Variants in SPAG9 observed in about 807,000 individuals in gnomAD.
The protein encoded by SPAG9 is sperm associated antigen 9, also known as C-Jun-amino-terminal kinase-interacting protein 4.
SPAG9 carries 35 observed loss-of-function variants against 166.5 expected under a neutral mutation model. That is an observed-to-expected ratio of 0.21 (90% confidence interval 0.16 to 0.28). The LOEUF (loss-of-function observed/expected upper bound fraction) is 0.28. SPAG9 is among the 10% of genes least tolerant of loss of function. The probability of loss-of-function intolerance (pLI) is 1.00; values close to 1 mark genes in which losing one functional copy is unlikely to be tolerated. For missense variants in SPAG9, 1,235 were observed against 1,603.3 expected (o/e 0.77, Z 3.92); for synonymous variants, 534 against 565.5 (o/e 0.94, Z 0.79).
intron 6 of SPAG9, among the ~76,000 whole-genome samples, chr17:51,023,810 G>A (rs974915003): frequency 2.0e-5 from 3 of 151,990 alleles, no homozygotes; most frequent in South Asian, 2.1e-4. Flanking sequence ...GATTACCGGC[G>A]TGCGTCACCA....
At chr17:51,009,458 T>C (rs1389762455) in intron 9 of SPAG9, among the ~76,000 whole-genome samples, 1 of 152,182 alleles carries the variant, frequency 6.6e-6, no homozygotes, top group Admixed American at 6.5e-5. Flanking sequence ...TACAAAGTCC[T>C]CAGTGGGCTT....
At chr17:51,060,262 T>C (rs2047468602) in intron 2 of SPAG9, among the ~76,000 whole-genome samples, 2 of 151,972 alleles carry the variant, frequency 1.3e-5, no homozygotes, top group Non-Finnish European at 2.9e-5. Context: ...CCCAGCACTT[T>C]GGGAGGCCGA....
At chr17:51,119,479 G>A (rs2144816502) in intron 1 of SPAG9, among the ~76,000 whole-genome samples, 1 of 152,236 alleles carries the variant, frequency 6.6e-6, no homozygotes, top group East Asian at 1.9e-4. Context: ...CCTATCACTT[G>A]CACCCTAGAA....
chr17:51,006,886 T>C (rs906793082), intron 10 of SPAG9, among the ~76,000 whole-genome samples: 9 of 151,938 alleles, frequency 5.9e-5, no homozygotes, highest in African/African-American at 1.9e-4. Context: ...TGAGTATACA[T>C]GAAAATATTT....
At chr17:51,016,509 T>C (rs1337627403) in intron 8 of SPAG9, among the ~76,000 whole-genome samples, 1 of 152,230 alleles carries the variant, frequency 6.6e-6, no homozygotes, top group African/African-American at 2.4e-5. Context: ...CATTTATGAA[T>C]TGCATAGTGT....
chr17:51,007,238 T>C (rs1353286076), intron 10 of SPAG9, 31 bp downstream of exon 10: 2 of 1,289,624 alleles, frequency 1.6e-6, no homozygotes, highest in South Asian at 1.3e-5. Flanking sequence ...GAAAATTCTT[T>C]ATCTTCTGTT....
Position 50,979,762 on chromosome 17 carries a change from A to G in SPAG9, c.3393T>C (p.Tyr1131=), listed in dbSNP as rs1325525745. The part of the protein sequence containing the change: ...QHLQDVDIEP[Y]VSKMLGTGKL... ...GAAGCTTACCTAACATTTTGCTTAC[A>G]TAAGGCTCAATGTCCACATCCTGTA... Residue 1131 remains tyrosine (Y), a synonymous_variant, in exon 26 of 30, where the codon TAT becomes TAC. Transcript: ENST00000262013. The G allele has an allele frequency of 1.2e-6, 2 of 1,611,430 alleles. No homozygotes were observed. The highest frequency in any genetic ancestry group is 1.1e-5 in the South Asian group (1 of 91,030).
At chr17:51,054,987 T>C (rs775960948) in intron 3 of SPAG9, among the ~76,000 whole-genome samples, 35 of 152,176 alleles carry the variant, frequency 2.3e-4, no homozygotes, top group Non-Finnish European at 4.7e-4. Flanking sequence ...TCAAATGCAA[T>C]GTGTGGTGGG....
At chr17:51,089,623 TATATATATA>T (rs2048400619) in intron 1 of SPAG9, among the ~76,000 whole-genome samples, 1 of 32,632 alleles carries the variant, frequency 3.1e-5, no homozygotes, top group East Asian at 8.6e-4. Context: ...CTTTATTTTA[TATATATATA>T]TATATATATA....
chr17:50,972,986 T>G (rs930860682), intron 28 of SPAG9, among the ~76,000 whole-genome samples: 1 of 152,240 alleles, frequency 6.6e-6, no homozygotes, highest in African/African-American at 2.4e-5. Flanking sequence ...GCTTCAGTAT[T>G]GTTTTTAATA....
At chr17:51,054,188 C>T (rs2047292307) in intron 3 of SPAG9, among the ~76,000 whole-genome samples, 1 of 126,462 alleles carries the variant, frequency 7.9e-6, no homozygotes, top group African/African-American at 3.1e-5. Flanking sequence ...ACAATATTGG[C>T]TCACTGTATC....
intron 9 of SPAG9, among the ~76,000 whole-genome samples, chr17:51,009,906 T>C (rs574521718): frequency 6.6e-6 from 1 of 152,288 alleles, no homozygotes; most frequent in South Asian, 2.1e-4. Context: ...AAATTGAATA[T>C]ATAACCAATA....
intron 1 of SPAG9, among the ~76,000 whole-genome samples, chr17:51,105,360 G>T (rs1168531972): frequency 6.6e-6 from 1 of 152,120 alleles, no homozygotes; most frequent in African/African-American, 2.4e-5. Flanking sequence ...ACACTGCTGA[G>T]ACATCAAGTA....
chr17:51,103,322 T>C (rs1425152918), intron 1 of SPAG9, among the ~76,000 whole-genome samples: 1 of 152,166 alleles, frequency 6.6e-6, no homozygotes, highest in South Asian at 2.1e-4. Context: ...GCGCTGAAAG[T>C]GCTACAAGAG....
chr17:51,067,471 T>C (rs566813937), intron 2 of SPAG9, among the ~76,000 whole-genome samples: 18 of 152,328 alleles, frequency 1.2e-4, no homozygotes, highest in Admixed American at 3.9e-4. Flanking sequence ...AGTTAACCTA[T>C]ACCTATATTG....
intron 6 of SPAG9, among the ~76,000 whole-genome samples, chr17:51,026,671 TTTC>T (rs1296910557): frequency 3.0e-5 from 4 of 135,132 alleles, no homozygotes; most frequent in East Asian, 4.0e-4. Flanking sequence ...TTCTTTTTCT[TTTC>T]TTTTTTTTTT....
At chr17:51,010,773 G>A (rs1258254987) in intron 9 of SPAG9, among the ~76,000 whole-genome samples, 3 of 151,854 alleles carry the variant, frequency 2.0e-5, no homozygotes, top group African/African-American at 7.3e-5. Context: ...AACAAACTGA[G>A]CTTTATACAT....
chr17:51,036,441 G>C (rs150570981), intron 5 of SPAG9, among the ~76,000 whole-genome samples: 2 of 151,928 alleles, frequency 1.3e-5, no homozygotes, highest in Admixed American at 6.6e-5. Context: ...TTTGTGCCTC[G>C]ACTTTCAGCG....
At chr17:50,994,839 A>G (rs1597939916) in intron 18 of SPAG9, among the ~76,000 whole-genome samples, 1 of 138,028 alleles carries the variant, frequency 7.2e-6, no homozygotes, top group Non-Finnish European at 1.5e-5. Context: ...ACGTGTACAC[A>G]TGTGTCAAAA....
Sources: allele counts gnomAD v4.1 joint callset (sites outside exome capture counted in the v4.1 genomes callset), GRCh38; gene constraint gnomAD v4.1.1; transcripts MANE v1.5; gene names NCBI Gene and HGNC (gene_info 2026-07-23, HGNC 2026-07-21).